ABI1: variants seen among roughly 807,000 people sequenced by gnomAD.
ABI1 encodes the protein Abelson interactor 1.
In ABI1, 14 loss-of-function variants were observed where a neutral mutation model predicts 54.6. That is an observed-to-expected ratio of 0.26 (90% CI 0.17 to 0.40). The LOEUF is 0.40. Ranked by LOEUF, ABI1 falls within the 10% of genes least tolerant of loss-of-function variation. ABI1 has a pLI of 1.00. For missense variants in ABI1, 443 were observed against 598.3 expected (o/e 0.74, Z 2.71); for synonymous variants, 194 against 209.3 (o/e 0.93, Z 0.63).
At chr10:26,773,691 G>A (rs753702873) in intron 3 of ABI1, among the ~76,000 whole-genome samples, 16 of 152,062 alleles carry the variant, frequency 1.1e-4, no homozygotes, top group Non-Finnish European at 2.1e-4. Flanking sequence ...TTCCTACTTA[G>A]GCAAACCAAA....
intron 1 of ABI1, among the ~76,000 whole-genome samples, chr10:26,829,744 T>C (rs78431134): frequency 0.015 from 2,356 of 152,274 alleles, 51 homozygotes; most frequent in African/African-American, 0.054. Context: ...CATAACAATA[T>C]TAAAAAGATA....
At chr10:26,799,773 G>T (rs1422982095) in intron 2 of ABI1, among the ~76,000 whole-genome samples, 1 of 152,060 alleles carries the variant, frequency 6.6e-6, no homozygotes, top group Non-Finnish European at 1.5e-5. Context: ...AATTAGAAAT[G>T]ATCTTAATGA....
chr10:26,803,920 T>TA (rs1477561676), intron 2 of ABI1, among the ~76,000 whole-genome samples: 1 of 150,842 alleles, frequency 6.6e-6, no homozygotes, highest in African/African-American at 2.4e-5. Flanking sequence ...CGCATACAAA[T>TA]AAACATAATT....
At chr10:26,803,916 CA>C (rs2046717934) in intron 2 of ABI1, among the ~76,000 whole-genome samples, 1 of 149,870 alleles carries the variant, frequency 6.7e-6, no homozygotes, top group African/African-American at 2.5e-5. Flanking sequence ...AGTACGCATA[CA>C]AATAAACATA....
chr10:26,760,530 G>A (rs947077761), intron 7 of ABI1, among the ~76,000 whole-genome samples: 1 of 152,252 alleles, frequency 6.6e-6, no homozygotes, highest in East Asian at 1.9e-4. Flanking sequence ...AAAAATAATT[G>A]TCTATTCAAA....
intron 3 of ABI1, among the ~76,000 whole-genome samples, chr10:26,771,382 TC>T (rs1472315030): frequency 6.6e-6 from 1 of 152,198 alleles, no homozygotes; most frequent in Non-Finnish European, 1.5e-5. Flanking sequence ...ATGGAACTAA[TC>T]CAACCGAGTA....
intron 3 of ABI1, among the ~76,000 whole-genome samples, chr10:26,776,465 G>A (rs1841417198): frequency 2.0e-5 from 3 of 152,180 alleles, no homozygotes; most frequent in African/African-American, 7.2e-5. Context: ...CTTGCAAAAT[G>A]ACCCATAAAT....
intron 7 of ABI1, among the ~76,000 whole-genome samples, chr10:26,763,423 G>A (rs1839489949): frequency 6.6e-6 from 1 of 151,942 alleles, no homozygotes; most frequent in Non-Finnish European, 1.5e-5. Context: ...ATAAAAACTG[G>A]GCCATATCAG....
intron 6 of ABI1, 63 bp downstream of exon 6, chr10:26,768,789 A>T: frequency 6.9e-7 from 1 of 1,458,918 alleles, no homozygotes; most frequent in Non-Finnish European, 9.3e-7. Context: ...CCTCCATAGG[A>T]GTTTGTCGCC....
At chr10:26,795,304 T>C (rs1026799148) in intron 2 of ABI1, among the ~76,000 whole-genome samples, 4 of 152,190 alleles carry the variant, frequency 2.6e-5, no homozygotes, top group South Asian at 2.1e-4. Context: ...AATGACAATA[T>C]TGGAAGGGAG....
chr10:26,858,554 A>C (rs1375764620), intron 1 of ABI1, among the ~76,000 whole-genome samples: 1 of 147,602 alleles, frequency 6.8e-6, no homozygotes, highest in Non-Finnish European at 1.5e-5. Context: ...AAAAAAAAAA[A>C]AAAAAAAAAC....
chr10:26,799,347 C>G (rs189307888), intron 2 of ABI1, among the ~76,000 whole-genome samples: 1 of 152,034 alleles, frequency 6.6e-6, no homozygotes, highest in Non-Finnish European at 1.5e-5. Context: ...AATTATGCTG[C>G]ATTTTCTCAA....
intron 2 of ABI1, among the ~76,000 whole-genome samples, chr10:26,803,296 C>G (rs1199205265): frequency 1.3e-5 from 2 of 152,276 alleles, no homozygotes; most frequent in Admixed American, 1.3e-4. Context: ...CTTCCCTTCC[C>G]TTTACCTTTA....
chr10:26,788,400 C>T (rs901592332), intron 2 of ABI1, among the ~76,000 whole-genome samples: 4 of 152,092 alleles, frequency 2.6e-5, no homozygotes, highest in Non-Finnish European at 5.9e-5. Context: ...CAAAAAAGTA[C>T]TAAAAAATAA....
chr10:26,850,937 A>G (rs971138608), intron 1 of ABI1, among the ~76,000 whole-genome samples: 1 of 152,192 alleles, frequency 6.6e-6, no homozygotes, highest in Admixed American at 6.5e-5. Context: ...CCACTTTAAT[A>G]CTTAATAGTA....
In ABI1 at chr10:26,823,032, T is replaced by C. The variant is rs577308715; in HGVS notation, c.285+106A>G. The C allele has an allele frequency of 5.0e-6, 5 of 1,006,686 alleles. No individual in the cohort carries two copies. The South Asian group carries it at 8.2e-5, about 16-fold the overall frequency. The allele number at this position is 1,006,686 out of a possible 1,614,324, so 62.4% of individuals were successfully genotyped here. On this transcript the variant is annotated intron_variant, in intron 2 of 10. Coordinates refer to ENST00000376140, the MANE Select transcript of ABI1 (RefSeq NM_001012750.3). ...CAAACTAAAACAGTGTTAATGATTA[T>C]CACCAGTAAGATGAGTCAGAAATCC...
chr10:26,796,094 A>G (rs1317228317), intron 2 of ABI1, among the ~76,000 whole-genome samples: 1 of 152,178 alleles, frequency 6.6e-6, no homozygotes, highest in Non-Finnish European at 1.5e-5. Context: ...GTCTCAAAAA[A>G]TAAAATAAAA....
intron 6 of ABI1, among the ~76,000 whole-genome samples, chr10:26,768,618 A>G (rs1840274080): frequency 6.6e-6 from 1 of 152,206 alleles, no homozygotes; most frequent in Admixed American, 6.5e-5. Flanking sequence ...AGGAGGAAAT[A>G]CAAACAATCC....
intron 2 of ABI1, among the ~76,000 whole-genome samples, chr10:26,791,365 C>T (rs538896736): frequency 6.6e-6 from 1 of 152,074 alleles, no homozygotes. Context: ...CTTAAATGGT[C>T]TTCAAAGCCA....
Sources: gnomAD v4.1 joint callset for allele counts (sites outside exome capture counted in the v4.1 genomes callset) on GRCh38, gnomAD v4.1.1 for gene constraint, MANE v1.5 for transcripts, NCBI Gene and HGNC (gene_info 2026-07-23, HGNC 2026-07-21) for gene names.